The following PHIP variants were observed in gnomAD, a reference collection of about 807,000 sequenced individuals.
PHIP encodes PH-interacting protein.
In PHIP, 54 loss-of-function variants were observed where a neutral mutation model predicts 236.8. The ratio of observed to expected loss-of-function variants is 0.23; its 90% CI spans 0.18 to 0.29. PHIP has a LOEUF of 0.29. PHIP is among the 10% of genes least tolerant of loss of function. PHIP has a pLI of 1.00. For missense variants in PHIP, 1,370 were observed against 2,190.8 expected (o/e 0.63, Z 7.48); for synonymous variants, 756 against 718.9 (o/e 1.05, Z -0.83).
At chr6:79,042,625 A>G (rs746801297) in intron 7 of PHIP, among the ~76,000 whole-genome samples, 16 of 152,060 alleles carry the variant, frequency 1.1e-4, no homozygotes, top group Admixed American at 2.6e-4. Context: ...CAACCATATA[A>G]TAACTGTGAC....
chr6:78,946,479 A>G (rs1773826120), intron 37 of PHIP: 2 of 1,397,940 alleles, frequency 1.4e-6, no homozygotes, highest in African/African-American at 1.5e-5. Flanking sequence ...TGATGCCATC[A>G]CTATCCTAAA....
chr6:79,058,136 C>G (rs1773167348), intron 6 of PHIP, among the ~76,000 whole-genome samples: 1 of 152,062 alleles, frequency 6.6e-6, no homozygotes, highest in South Asian at 2.1e-4. Flanking sequence ...AAAAAATTAT[C>G]TTAAACTCTA....
intron 17 of PHIP, 135 bp downstream of exon 17, chr6:79,001,764 A>T (rs747059687): frequency 6.5e-6 from 4 of 612,570 alleles, no homozygotes; most frequent in Non-Finnish European, 5.8e-6. Flanking sequence ...ATGATCAAAG[A>T]CCTGTATAAA....
intron 4 of PHIP, among the ~76,000 whole-genome samples, chr6:79,066,326 T>C (rs1237316149): frequency 6.6e-6 from 1 of 152,186 alleles, no homozygotes; most frequent in Non-Finnish European, 1.5e-5. Context: ...AAGTTTTACA[T>C]GGAACTACTC....
Position 78,934,833 on chromosome 6 carries a change from TCC to T in PHIP, c.*5858_*5859del, listed in dbSNP as rs1773206781. Reference sequence around the variant, plus strand: ...CAGGAATGAAGGTCAAATTCCCATTTCCCAACTCCAGGCCAGTTCATTACACT... The same window carrying T: ...CAGGAATGAAGGTCAAATTCCCATTTCAACTCCAGGCCAGTTCATTACACT... On this transcript the variant is annotated 3_prime_UTR_variant, in exon 40 of 40. Coordinates refer to ENST00000275034, the MANE Select transcript of PHIP (RefSeq NM_017934.7). 6.6e-6 allele frequency among the ~76,000 whole-genome samples: 1 copy of T among 152,190 alleles called. No homozygotes were observed. The highest frequency in any genetic ancestry group is 2.1e-4 in the South Asian group (1 of 4,830).
At chr6:78,945,861 A>T (rs1368957844) in intron 38 of PHIP, 140 bp downstream of exon 38, 19 of 675,502 alleles carry the variant, frequency 2.8e-5, no homozygotes, top group African/African-American at 7.3e-5. Context: ...ACTTTTTTTT[A>T]AAATAGGAAA....
chr6:78,989,642 T>C (rs553749757), intron 20 of PHIP, among the ~76,000 whole-genome samples: 5 of 152,304 alleles, frequency 3.3e-5, no homozygotes, highest in Middle Eastern at 3.4e-3. Flanking sequence ...TGCACACACA[T>C]ACATATATGT....
intron 4 of PHIP, among the ~76,000 whole-genome samples, chr6:79,069,958 A>C (rs1582321471): frequency 6.6e-6 from 1 of 152,198 alleles, no homozygotes; most frequent in South Asian, 2.1e-4. Flanking sequence ...TTTGTCATTT[A>C]AAGAAAATGC....
Position 79,015,675 on chromosome 6 carries a change from C to T in PHIP, c.1344G>A (p.Leu448=). Residue 448 remains leucine, a synonymous_variant, in exon 14 of 40, where the codon CTG becomes CTA. Coordinates refer to ENST00000275034, the MANE Select transcript of PHIP (RefSeq NM_017934.7). ...TVITAVNNMT[L]KVWNSYTGQL... is the part of the protein sequence containing the mutation. The stretch of plus-strand genomic sequence containing the variant: ...GACCAGTGTAAGAATTCCAAACTTT[C>T]AGAGTCATGTTATTAACTGCAGTTA... The T allele has an allele frequency of 6.2e-7, 1 of 1,609,326 alleles. No individual in the cohort carries two copies. The highest frequency in any genetic ancestry group is 8.5e-7 in the Non-Finnish European group (1 of 1,176,488).
At chr6:79,040,248 A>G (rs1772141200) in intron 7 of PHIP, among the ~76,000 whole-genome samples, 1 of 152,082 alleles carries the variant, frequency 6.6e-6, no homozygotes, top group South Asian at 2.1e-4. Context: ...GAGATGAGGT[A>G]ATCTGTCAAA....
intron 35 of PHIP, among the ~76,000 whole-genome samples, chr6:78,951,380 T>C (rs1179986629): frequency 6.6e-6 from 1 of 152,148 alleles, no homozygotes. Flanking sequence ...CATTAAAAAT[T>C]TAATTTTTAA....
intron 24 of PHIP, among the ~76,000 whole-genome samples, chr6:78,976,172 C>T (rs1158339101): frequency 2.7e-3 from 396 of 149,256 alleles, no homozygotes; most frequent in African/African-American, 9.4e-3. Context: ...GGGACCAAAA[C>T]AGAGATATAG....
intron 4 of PHIP, among the ~76,000 whole-genome samples, chr6:79,067,517 T>C (rs1377342749): frequency 3.9e-5 from 6 of 152,250 alleles, no homozygotes; most frequent in Non-Finnish European, 8.8e-5. Context: ...GTAACCATCA[T>C]ATGGTAAATA....
intron 17 of PHIP, among the ~76,000 whole-genome samples, chr6:78,999,062 T>C (rs1769824506): frequency 6.6e-6 from 1 of 152,036 alleles, no homozygotes; most frequent in South Asian, 2.1e-4. Flanking sequence ...CAAGGTAGCA[T>C]TTGCGCTGAG....
chr6:78,963,144 T>C lies in PHIP; in HGVS notation c.3488A>G (p.Glu1163Gly). 1 of 1,609,558 alleles carries C rather than the reference T, an allele frequency of 6.2e-7. No individual in the cohort carries two copies. The highest frequency in any genetic ancestry group is 1.1e-5 in the South Asian group (1 of 90,356). The change falls in exon 30 of 40, where the codon GAA becomes GGA. Residue 1163 changes from glutamate to glycine, a missense_variant. Transcript: ENST00000275034. The stretch of plus-strand genomic sequence containing the variant: ...TCCTGCCACAATTCTTTCACATTCT[T>C]CATCCCTGGGATTGGTACCCCATTC... ...DGEWGTNPRD[E>G]ECERIVAGIN...
At chr6:79,016,226 T>C (rs111636634) in intron 13 of PHIP, among the ~76,000 whole-genome samples, 6 of 152,104 alleles carry the variant, frequency 3.9e-5, no homozygotes, top group Admixed American at 1.3e-4. Flanking sequence ...GAAGAAACCA[T>C]TGGACATAAA....
At chr6:79,060,877 T>A in intron 4 of PHIP, 59 bp from the exon 5 acceptor site, 1 of 1,186,076 alleles carries the variant, frequency 8.4e-7, no homozygotes, top group South Asian at 1.6e-5. Flanking sequence ...TTTCAAAATC[T>A]TTGAGCAACA....
intron 35 of PHIP, among the ~76,000 whole-genome samples, chr6:78,952,167 C>G (rs1254518766): frequency 6.6e-6 from 1 of 152,122 alleles, no homozygotes; most frequent in Non-Finnish European, 1.5e-5. Flanking sequence ...TGCCTGTAAT[C>G]CCAGCACTTT....
chr6:79,023,997 T>C (rs1582239761), intron 9 of PHIP, among the ~76,000 whole-genome samples: 2 of 152,350 alleles, frequency 1.3e-5, no homozygotes, highest in East Asian at 1.9e-4. Context: ...ACTGTCCATA[T>C]ACATCAGTAA....
Sources: gnomAD v4.1 joint callset for allele counts (sites outside exome capture counted in the v4.1 genomes callset) on GRCh38, gnomAD v4.1.1 for gene constraint, MANE v1.5 for transcripts, NCBI Gene and HGNC (gene_info 2026-07-23, HGNC 2026-07-21) for gene names.